Variants in STK3 observed in about 807,000 individuals in gnomAD.
STK3 encodes serine/threonine kinase 3, also known as serine/threonine-protein kinase 3.
STK3 carries 41 observed loss-of-function variants against 58.0 expected under a neutral mutation model. That is an observed-to-expected ratio of 0.71 (90% CI 0.55 to 0.92). The LOEUF (loss-of-function observed/expected upper bound fraction) is 0.92, where lower values mean the gene tolerates loss of function less well. Ranked by LOEUF, STK3 falls within the 40% of genes least tolerant of loss-of-function variation. The pLI is 0.00. For missense variants in STK3, 479 were observed against 602.7 expected, an observed-to-expected ratio of 0.79 and a Z score of 2.15; for synonymous variants, 170 against 191.0, an observed-to-expected ratio of 0.89 and a Z score of 0.91.
chr8:98,469,262 G>C (rs1041650909), intron 10 of STK3, among the ~76,000 whole-genome samples: 7 of 149,274 alleles, frequency 4.7e-5, no homozygotes, highest in Non-Finnish European at 1.0e-4. Context: ...CGGGGGCGGG[G>C]GGGCGGTCTG....
chr8:98,385,419 T>C (rs1238236875), intron 1 of STK3, among the ~76,000 whole-genome samples: 1 of 152,058 alleles, frequency 6.6e-6, no homozygotes, highest in African/African-American at 2.4e-5. Flanking sequence ...CCCTAAGTGG[T>C]GACAGAGAAC....
At chr8:98,830,794 C>A (rs955572342) in intron 3 of STK3, among the ~76,000 whole-genome samples, 16 of 151,894 alleles carry the variant, frequency 1.1e-4, no homozygotes, top group Non-Finnish European at 1.6e-4. Flanking sequence ...CAAGGTGAAA[C>A]CCCATTTCTA....
chr8:98,888,189 C>T (rs1047906990), intron 1 of STK3, among the ~76,000 whole-genome samples: 1 of 151,956 alleles, frequency 6.6e-6, no homozygotes, highest in Non-Finnish European at 1.5e-5. Context: ...CATGGTGGTG[C>T]GTGTCTGTAG....
At chr8:98,392,036 A>G (rs1246421032), upstream of STK3, among the ~76,000 whole-genome samples, 4 of 152,294 alleles carry the variant, frequency 2.6e-5, no homozygotes, top group South Asian at 8.3e-4. Flanking sequence ...AACATTAGTC[A>G]TCTCCATACC....
intron 1 of STK3, among the ~76,000 whole-genome samples, chr8:98,820,181 A>G (rs1274643090): frequency 6.6e-6 from 1 of 152,074 alleles, no homozygotes; most frequent in Non-Finnish European, 1.5e-5. Context: ...TGCGTGAAGG[A>G]CCCCTAACAT....
intron 3 of STK3, among the ~76,000 whole-genome samples, chr8:98,834,944 C>A (rs1329730967): frequency 6.6e-6 from 1 of 152,194 alleles, no homozygotes; most frequent in Non-Finnish European, 1.5e-5. Context: ...AGAGGCAATT[C>A]CTAAATTGTT....
At chr8:98,813,871 TAAAATA>T in intron 1 of STK3, among the ~76,000 whole-genome samples, 1 of 152,328 alleles carries the variant, frequency 6.6e-6, no homozygotes, top group East Asian at 1.9e-4. Flanking sequence ...CACGTCCTAT[TAAAATA>T]AATTTGAAAA....
chr8:98,460,896 T>C (rs1412631025), intron 10 of STK3, among the ~76,000 whole-genome samples: 1 of 152,200 alleles, frequency 6.6e-6, no homozygotes, highest in African/African-American at 2.4e-5. Context: ...ATATTGAGAC[T>C]TGTTTTAGGC....
At chr8:98,721,122 T>C in intron 4 of STK3, 2 of 985,352 alleles carry the variant, frequency 2.0e-6, no homozygotes, top group Non-Finnish European at 2.4e-6. Context: ...CATTAATGGG[T>C]GGCTTTATGA....
At chr8:98,810,839 C>T (rs910671791) in intron 1 of STK3, among the ~76,000 whole-genome samples, 1 of 152,070 alleles carries the variant, frequency 6.6e-6, no homozygotes, top group African/African-American at 2.4e-5. Flanking sequence ...TTGTCCCTGG[C>T]GATGAGTGAG....
At chr8:98,470,520 C>G (rs961355356) in intron 10 of STK3, among the ~76,000 whole-genome samples, 4 of 152,228 alleles carry the variant, frequency 2.6e-5, no homozygotes, top group African/African-American at 9.7e-5. Flanking sequence ...CTCACTCTCA[C>G]AGTTGTTTCT....
chr8:98,591,166 C>T (rs893686790), intron 7 of STK3, among the ~76,000 whole-genome samples: 1 of 152,188 alleles, frequency 6.6e-6, no homozygotes, highest in Non-Finnish European at 1.5e-5. Context: ...ATATGTGGTA[C>T]AATACTCTCT....
chr8:98,648,806 C>A (rs1648348486), intron 6 of STK3, among the ~76,000 whole-genome samples: 1 of 151,828 alleles, frequency 6.6e-6, no homozygotes, highest in South Asian at 2.1e-4. Context: ...GCAGGAGAAT[C>A]ACTTGAACCT....
At chr8:98,676,577 C>T (rs570112630) in intron 6 of STK3, among the ~76,000 whole-genome samples, 1 of 150,822 alleles carries the variant, frequency 6.6e-6, no homozygotes, top group Non-Finnish European at 1.5e-5. Context: ...CATGCCATTG[C>T]ACTCCAGCCT....
chr8:98,416,136 T>C (rs532608646), intron 3 of STK3, among the ~76,000 whole-genome samples: 75 of 152,316 alleles, frequency 4.9e-4, no homozygotes, highest in East Asian at 7.7e-4. Flanking sequence ...CCACCTCAGA[T>C]CACAGCTCAT....
At chr8:98,749,499 A>C (rs1829836127) in intron 3 of STK3, 109 bp from the exon 4 acceptor site, 2 of 503,012 alleles carry the variant, frequency 4.0e-6, no homozygotes, top group Non-Finnish European at 7.0e-6. Context: ...AATAAGTTAA[A>C]TAAGTAAATT....
rs781043390 is a variant in STK3 at position 98,650,523 on chromosome 8, A to G, written c.685-54354T>C. On this transcript the variant is annotated intron_variant, in intron 6 of 10. Transcript: ENST00000419617. ...GGGTGCAGCGCACCATGCGCGAGCC[A>G]AAGCAGGGAGAGGTATTGCCTCACT... Among the ~76,000 whole-genome samples, 7 of 152,262 alleles carry G rather than the reference A, an allele frequency of 4.6e-5. No homozygotes were observed. In the East Asian group the frequency reaches 1.3e-3, roughly 29 times the overall value.
intron 4 of STK3, among the ~76,000 whole-genome samples, chr8:98,741,138 T>C (rs965365254): frequency 1.3e-4 from 20 of 152,054 alleles, no homozygotes; most frequent in Non-Finnish European, 2.1e-4. Flanking sequence ...TCCCACACAA[T>C]AATAATGGGA....
intron 1 of STK3, among the ~76,000 whole-genome samples, chr8:98,814,550 A>T (rs1834428925): frequency 6.6e-6 from 1 of 152,006 alleles, no homozygotes; most frequent in South Asian, 2.1e-4. Context: ...CAGGTCACCC[A>T]AGCTGGAGTG....
Sources: gnomAD v4.1 joint callset for allele counts (sites outside exome capture counted in the v4.1 genomes callset) on GRCh38, gnomAD v4.1.1 for gene constraint, MANE v1.5 for transcripts, NCBI Gene and HGNC (gene_info 2026-07-23, HGNC 2026-07-21) for gene names.